DNAH14: variants seen among roughly 807,000 people sequenced by gnomAD.
DNAH14 encodes the protein axonemal beta dynein heavy chain 14.
DNAH14 carries 478 observed loss-of-function variants against 520.9 expected under a neutral mutation model. The ratio of observed to expected loss-of-function variants is 0.92; its 90% CI spans 0.85 to 0.99. DNAH14 has a LOEUF of 0.99. Ranked by LOEUF, DNAH14 falls within the 50% of genes least tolerant of loss-of-function variation. The probability of loss-of-function intolerance (pLI) is 0.00; values close to 1 mark genes in which losing one functional copy is unlikely to be tolerated. For missense variants in DNAH14, 4,831 were observed against 5,234.5 expected (o/e 0.92, Z 2.38); for synonymous variants, 1,581 against 1,757.2 (o/e 0.90, Z 2.51).
chr1:224,991,624 C>T (rs778367890), intron 8 of DNAH14, among the ~76,000 whole-genome samples: 2 of 151,974 alleles, frequency 1.3e-5, no homozygotes, highest in Non-Finnish European at 1.5e-5. Flanking sequence ...TACAGGTGTC[C>T]GTGACAACAC....
chr1:225,361,015 G>A (rs1222601398), intron 75 of DNAH14, 124 bp downstream of exon 75: 12 of 867,908 alleles, frequency 1.4e-5, no homozygotes, highest in Non-Finnish European at 1.6e-5. Flanking sequence ...CCACTCAGAT[G>A]AAACTTAACC....
chr1:225,247,288 A>T (rs2092339019), intron 43 of DNAH14, among the ~76,000 whole-genome samples: 1 of 134,912 alleles, frequency 7.4e-6, no homozygotes, highest in African/African-American at 3.0e-5. Flanking sequence ...GGGGCTGAAA[A>T]CCCAGATGAT....
At position 225,376,970 on chromosome 1, in the gene DNAH14, G is replaced by T. The variant is rs1340625515; in HGVS notation, c.12517-267G>T. 1.0e-4 allele frequency among the ~76,000 whole-genome samples: 15 copies of T among 149,656 alleles called. No homozygotes were observed. In the East Asian group the frequency reaches 1.9e-3, roughly 19 times the overall value. On this transcript the variant is annotated intron_variant, in intron 78 of 85. Transcript: ENST00000682510. ...TCAGAATCACCCTCACCTTTAAAGCGTTTTTTTTTTCTTTCTCTCTTTTCC... is the reference window on the plus strand; with the variant it reads ...TCAGAATCACCCTCACCTTTAAAGCTTTTTTTTTTTCTTTCTCTCTTTTCC...
intron 64 of DNAH14, among the ~76,000 whole-genome samples, chr1:225,326,282 A>G (rs541795040): frequency 6.6e-6 from 1 of 152,360 alleles, no homozygotes; most frequent in African/African-American, 2.4e-5. Flanking sequence ...GTCTAACTCT[A>G]AAGCCCACGC....
chr1:225,272,761 T>C (rs1181695377), intron 51 of DNAH14, among the ~76,000 whole-genome samples, 194 bp from the exon 52 acceptor site: 1 of 152,114 alleles, frequency 6.6e-6, no homozygotes, highest in Non-Finnish European at 1.5e-5. Flanking sequence ...AGTGATTCCA[T>C]ACCAATTTTC....
intron 1 of DNAH14, among the ~76,000 whole-genome samples, chr1:224,946,157 G>A (rs1178556155): frequency 7.2e-5 from 11 of 152,168 alleles, no homozygotes; most frequent in Admixed American, 5.9e-4. Context: ...GGAGCTTCCT[G>A]GCTGCTTTGT....
rs780365095 is a variant in DNAH14 at position 224,952,663 on chromosome 1, G to A, written c.-33-7G>A. The A allele has an allele frequency of 1.6e-5, 23 of 1,429,994 alleles. No individual in the cohort carries two copies. In the East Asian group the frequency reaches 4.8e-4, roughly 30 times the overall value. The allele number at this position is 1,429,994 out of a possible 1,614,324, so 88.6% of individuals were successfully genotyped here. On this transcript the variant is annotated splice_region_variant and splice_polypyrimidine_tract_variant and intron_variant, in intron 1 of 85. Transcript: ENST00000682510. The stretch of plus-strand genomic sequence containing the variant: ...TATTAAATATAATAATGTGAATTTT[G>A]TTACAGCCAGTTCCTTTATAGTTTT...
intron 35 of DNAH14, among the ~76,000 whole-genome samples, chr1:225,163,137 CAAAAAAAAAAAAA>C (rs34356854): frequency 1.9e-5 from 1 of 53,682 alleles, no homozygotes; most frequent in Non-Finnish European, 3.6e-5. Flanking sequence ...GACCCTATCT[CAAAAAAAAAAAAA>C]AAAAAAAAAA....
At chr1:225,360,613 G>T in intron 74 of DNAH14, 68 bp from the exon 75 acceptor site, 2 of 1,350,862 alleles carry the variant, frequency 1.5e-6, no homozygotes, top group Non-Finnish European at 2.1e-6. Flanking sequence ...ATAAATGCTG[G>T]ATTGTGATTT....
intron 17 of DNAH14, among the ~76,000 whole-genome samples, chr1:225,057,728 C>T (rs1226163240): frequency 3.3e-5 from 5 of 152,068 alleles, no homozygotes; most frequent in Admixed American, 1.3e-4. Flanking sequence ...ATTGAGAGTT[C>T]TTAGCATGAA....
chr1:225,064,712 A>G (rs568022038), intron 17 of DNAH14, among the ~76,000 whole-genome samples: 1 of 152,162 alleles, frequency 6.6e-6, no homozygotes, highest in Non-Finnish European at 1.5e-5. Context: ...ACTTGACAAG[A>G]CAAATTTAAT....
intron 23 of DNAH14, among the ~76,000 whole-genome samples, chr1:225,104,900 G>A (rs3101913): frequency 0.26 from 39,466 of 151,776 alleles, 7,934 homozygotes; most frequent in African/African-American, 0.56. Context: ...TTCTGCTCTG[G>A]TCTTAGTTAT....
intron 9 of DNAH14, among the ~76,000 whole-genome samples, chr1:225,006,973 A>G (rs2064224889): frequency 6.6e-6 from 1 of 152,136 alleles, no homozygotes; most frequent in African/African-American, 2.4e-5. Context: ...TTTATTTCTC[A>G]GACCGGCTGA....
chr1:225,071,775 A>G (rs978966510), intron 17 of DNAH14, among the ~76,000 whole-genome samples: 3 of 152,198 alleles, frequency 2.0e-5, no homozygotes, highest in African/African-American at 7.2e-5. Context: ...GACAGGAAGG[A>G]GAAGTGCCAA....
At chr1:225,037,633 C>G (rs537433153) in intron 11 of DNAH14, among the ~76,000 whole-genome samples, 2 of 152,240 alleles carry the variant, frequency 1.3e-5, no homozygotes, top group South Asian at 4.1e-4. Flanking sequence ...CATCTTTCTG[C>G]TTAAAATATG....
chr1:225,002,343 T>C (rs527595026), intron 8 of DNAH14, among the ~76,000 whole-genome samples: 23 of 152,286 alleles, frequency 1.5e-4, no homozygotes, highest in East Asian at 3.9e-4. Context: ...TTTTATGATA[T>C]AGGTAGTTGG....
intron 81 of DNAH14, among the ~76,000 whole-genome samples, chr1:225,383,577 G>T (rs2095804402): frequency 6.6e-6 from 1 of 152,228 alleles, no homozygotes; most frequent in Admixed American, 6.5e-5. Context: ...GAGGTGAGAT[G>T]AGTCAGGTAG....
At chr1:225,215,471 T>G (rs1353296286) in intron 41 of DNAH14, among the ~76,000 whole-genome samples, 3 of 152,226 alleles carry the variant, frequency 2.0e-5, no homozygotes, top group Non-Finnish European at 4.4e-5. Context: ...TTGTTAACTT[T>G]CTGTCTCGTT....
chr1:225,017,305 G>C (rs149131843), intron 10 of DNAH14, among the ~76,000 whole-genome samples: 172 of 152,306 alleles, frequency 1.1e-3, no homozygotes, highest in African/African-American at 3.8e-3. Flanking sequence ...TACAGTATGA[G>C]CATGTAGTAA....
Sources: gnomAD v4.1 joint callset for allele counts (sites outside exome capture counted in the v4.1 genomes callset) on GRCh38, gnomAD v4.1.1 for gene constraint, MANE v1.5 for transcripts, NCBI Gene and HGNC (gene_info 2026-07-23, HGNC 2026-07-21) for gene names.